UHRF2: variants seen among roughly 807,000 people sequenced by gnomAD.
UHRF2 encodes ubiquitin like with PHD and ring finger domains 2, also known as E3 ubiquitin-protein ligase UHRF2.
UHRF2 carries 23 observed loss-of-function variants against 96.8 expected under a neutral mutation model. The observed-to-expected ratio is 0.24, with a 90% confidence interval of 0.17 to 0.34. The LOEUF (loss-of-function observed/expected upper bound fraction) is 0.34. Ranked by LOEUF, UHRF2 falls within the 10% of genes least tolerant of loss-of-function variation. The pLI is 1.00. For missense variants in UHRF2, 685 were observed against 981.5 expected, an observed-to-expected ratio of 0.70 and a Z score of 4.04; for synonymous variants, 385 against 332.6, an observed-to-expected ratio of 1.16 and a Z score of -1.72.
intron 3 of UHRF2, among the ~76,000 whole-genome samples, chr9:6,460,180 T>G (rs1045956507): frequency 6.6e-6 from 1 of 152,244 alleles, no homozygotes; most frequent in Non-Finnish European, 1.5e-5. Context: ...AATATCTAGA[T>G]TATAACAGTA....
intron 2 of UHRF2, among the ~76,000 whole-genome samples, chr9:6,429,939 T>C (rs913742337): frequency 6.6e-6 from 1 of 152,236 alleles, no homozygotes; most frequent in African/African-American, 2.4e-5. Flanking sequence ...CTTTTTTTAA[T>C]GATTGCCCCT....
chr9:6,453,815 G>A (rs1355545489), intron 3 of UHRF2, among the ~76,000 whole-genome samples: 1 of 152,122 alleles, frequency 6.6e-6, no homozygotes, highest in African/African-American at 2.4e-5. Flanking sequence ...TGAGGCAGGA[G>A]AATCGCTTGG....
At chr9:6,460,215 CAT>C (rs1822449168) in intron 3 of UHRF2, among the ~76,000 whole-genome samples, 1 of 152,142 alleles carries the variant, frequency 6.6e-6, no homozygotes, top group Admixed American at 6.5e-5. Context: ...AGATACATAA[CAT>C]ATAGTTTATT....
chr9:6,466,328 A>T (rs1286606186), intron 4 of UHRF2, among the ~76,000 whole-genome samples: 2 of 152,162 alleles, frequency 1.3e-5, no homozygotes, highest in East Asian at 3.9e-4. Flanking sequence ...ACCTGAAGTC[A>T]GGAGTTCTAG....
intron 4 of UHRF2, among the ~76,000 whole-genome samples, chr9:6,470,021 C>T (rs890394652): frequency 6.6e-6 from 1 of 152,026 alleles, no homozygotes; most frequent in Admixed American, 6.6e-5. Flanking sequence ...ACCAAGTTTT[C>T]ATTAGAAGCA....
intron 1 of UHRF2, chr9:6,415,516 A>G (rs964142958): frequency 2.6e-5 from 4 of 152,216 alleles, no homozygotes; most frequent in African/African-American, 9.7e-5. Flanking sequence ...TGAGGTAGCC[A>G]GCCTGTAGCA....
chr9:6,435,426 C>T (rs990393172), intron 3 of UHRF2, among the ~76,000 whole-genome samples: 6 of 152,168 alleles, frequency 3.9e-5, no homozygotes, highest in Non-Finnish European at 8.8e-5. Context: ...GTGCCCAGTG[C>T]AAAATTTTTT....
intron 5 of UHRF2, among the ~76,000 whole-genome samples, chr9:6,476,317 C>T (rs1043598956): frequency 3.3e-5 from 5 of 151,988 alleles, no homozygotes; most frequent in Non-Finnish European, 7.4e-5. Flanking sequence ...TAGATTCTGT[C>T]CAAAGAAAAA....
intron 4 of UHRF2, among the ~76,000 whole-genome samples, chr9:6,466,856 C>G (rs901317475): frequency 6.6e-6 from 1 of 152,224 alleles, no homozygotes; most frequent in Non-Finnish European, 1.5e-5. Flanking sequence ...TACTCTGTCT[C>G]TTATTTCAGT....
chr9:6,484,436 T>TTCCCTCC (rs1217785205), intron 8 of UHRF2, among the ~76,000 whole-genome samples: 1 of 124,506 alleles, frequency 8.0e-6, no homozygotes, highest in Non-Finnish European at 1.7e-5. Context: ...CTCCTGTCTC[T>TTCCCTCC]TCCCTCCTCC....
At chr9:6,489,737 T>TG (rs1824543011) in intron 9 of UHRF2, among the ~76,000 whole-genome samples, 2 of 151,578 alleles carry the variant, frequency 1.3e-5, no homozygotes, top group South Asian at 4.2e-4. Context: ...TGTTTTTTTT[T>TG]TTTTTTTTTA....
At chr9:6,482,146 G>T in intron 8 of UHRF2, 47 bp downstream of exon 8, 1 of 1,439,602 alleles carries the variant, frequency 6.9e-7, no homozygotes, top group Non-Finnish European at 9.8e-7. Flanking sequence ...TTGGCTATCA[G>T]ATTATAGCAA....
chr9:6,423,502 T>C (rs538790236), intron 2 of UHRF2, among the ~76,000 whole-genome samples: 4 of 152,318 alleles, frequency 2.6e-5, no homozygotes, highest in African/African-American at 9.6e-5. Context: ...TAAGCAAATA[T>C]GGTTTGTCAG....
In UHRF2 at chr9:6,436,684, A is replaced by T. The variant is rs566305511; in HGVS notation, c.644+2511A>T. ...GGGCTCTTAAAGTTGCTTTTGAAGT[A>T]AGACTATCCAATGGATAGGACCTAC... On this transcript the variant is annotated intron_variant, in intron 3 of 15. Coordinates refer to ENST00000276893, the MANE Select transcript of UHRF2 (RefSeq NM_152896.3). Among the ~76,000 whole-genome samples the T allele has an allele frequency of 6.6e-5, 10 of 152,330 alleles. 1 individual carries two copies. In the East Asian group the frequency reaches 1.9e-3, roughly 29 times the overall value.
chr9:6,427,571 G>A (rs1044025213), intron 2 of UHRF2, among the ~76,000 whole-genome samples: 23 of 152,228 alleles, frequency 1.5e-4, no homozygotes, highest in African/African-American at 5.5e-4. Context: ...ACTAATCCCA[G>A]CTACTTGGGA....
intron 2 of UHRF2, among the ~76,000 whole-genome samples, chr9:6,430,843 C>G (rs1175281245): frequency 6.6e-6 from 1 of 152,190 alleles, no homozygotes; most frequent in African/African-American, 2.4e-5. Context: ...ATTTCCCCTT[C>G]TCTTGGGGAA....
At chr9:6,446,957 C>T (rs547796105) in intron 3 of UHRF2, among the ~76,000 whole-genome samples, 74 of 152,198 alleles carry the variant, frequency 4.9e-4, no homozygotes, top group Non-Finnish European at 9.9e-4. Context: ...AGCACAATCT[C>T]GGCTCACTGC....
intron 6 of UHRF2, among the ~76,000 whole-genome samples, chr9:6,480,336 C>T (rs1823845922): frequency 6.6e-6 from 1 of 152,226 alleles, no homozygotes; most frequent in Admixed American, 6.5e-5. Flanking sequence ...GGCTTTCCTT[C>T]ACTACTATGT....
At position 6,434,086 on chromosome 9, in the gene UHRF2, C is replaced by G; in HGVS notation, c.557C>G (p.Thr186Arg). ...ATAAAGCATAAATCCAAAGAGAACA[C>G]AAATAAATTGGACAGTGTACCCTCT... The part of the protein sequence containing the change: ...GNIKHKSKEN[T>R]NKLDSVPSTS... Residue 186 changes from threonine to arginine, a missense_variant, in exon 3 of 16, where the codon ACA becomes AGA. By Grantham distance (71) the Thr-to-Arg change is moderately conservative. This residue lies in a region of UHRF2 where 391 missense variants were observed against 437.0 expected (regional missense o/e 0.89). Transcript: ENST00000276893. The G allele has an allele frequency of 5.0e-6, 8 of 1,614,098 alleles. No homozygotes were observed. The highest frequency in any genetic ancestry group is 1.1e-5 in the South Asian group (1 of 91,080).
Sources: allele counts gnomAD v4.1 joint callset (sites outside exome capture counted in the v4.1 genomes callset), GRCh38; gene constraint gnomAD v4.1.1; regional missense constraint gnomAD v4.1.1; transcripts MANE v1.5; gene names NCBI Gene and HGNC (gene_info 2026-07-23, HGNC 2026-07-21).